Variants in RGS6 observed in about 807,000 individuals in gnomAD.
The protein encoded by RGS6 is regulator of G-protein signaling 6.
A neutral mutation model predicts 78.5 loss-of-function variants in RGS6; 30 were observed. That is an observed-to-expected ratio of 0.38 (90% CI 0.29 to 0.52). The LOEUF is 0.52. Ranked by LOEUF, RGS6 falls within the 20% of genes least tolerant of loss-of-function variation. RGS6 has a pLI of 0.85. For synonymous variants in RGS6, 206 were observed against 206.0 expected (o/e 1.00, Z 0.00); for missense variants, 495 against 609.7 (o/e 0.81, Z 1.98).
intron 2 of RGS6, among the ~76,000 whole-genome samples, chr14:72,297,584 C>T (rs925139517): frequency 8.4e-6 from 1 of 119,332 alleles, no homozygotes; most frequent in African/African-American, 3.1e-5. Flanking sequence ...CTCCCCCCAC[C>T]CCACCACAGT....
At chr14:72,383,203 T>TATATATATATATAC in intron 3 of RGS6, among the ~76,000 whole-genome samples, 1 of 116,936 alleles carries the variant, frequency 8.6e-6, no homozygotes. Context: ...TATATATATA[T>TATATATATATATAC]ATATATATAT....
At chr14:72,033,685 T>C (rs184216280) in intron 2 of RGS6, among the ~76,000 whole-genome samples, 10 of 152,300 alleles carry the variant, frequency 6.6e-5, no homozygotes, top group African/African-American at 2.4e-4. Flanking sequence ...TGAATACATA[T>C]CACATTCACA....
At chr14:71,971,003 T>G (rs1019637201) in intron 2 of RGS6, among the ~76,000 whole-genome samples, 2 of 152,162 alleles carry the variant, frequency 1.3e-5, no homozygotes, top group Non-Finnish European at 2.9e-5. Flanking sequence ...AGATTTGTGA[T>G]GTCGTATACC....
At chr14:72,220,560 G>A (rs1190849087) in intron 2 of RGS6, among the ~76,000 whole-genome samples, 1 of 152,148 alleles carries the variant, frequency 6.6e-6, no homozygotes, top group African/African-American at 2.4e-5. Context: ...GGAGTGAAGT[G>A]CCTACTGAAG....
intron 2 of RGS6, among the ~76,000 whole-genome samples, chr14:72,081,875 T>G (rs1226005165): frequency 6.6e-6 from 1 of 152,064 alleles, no homozygotes; most frequent in Non-Finnish European, 1.5e-5. Flanking sequence ...TTTTTTTTCC[T>G]AAAAAATGTA....
the RGS6 span, among the ~76,000 whole-genome samples, chr14:71,926,194 T>C: frequency 8.5e-5 from 13 of 152,202 alleles, 1 homozygote; most frequent in Non-Finnish European, 1.5e-5. Context: ...GCACAAAGAT[T>C]CTAAATAGCC....
At chr14:72,560,058 G>A (rs2097649448) in intron 17 of RGS6, among the ~76,000 whole-genome samples, 1 of 152,122 alleles carries the variant, frequency 6.6e-6, no homozygotes, top group Non-Finnish European at 1.5e-5. Context: ...TTGTCTCTGG[G>A]CTTTGAATGT....
chr14:72,298,814 G>C (rs1339934462), intron 2 of RGS6, among the ~76,000 whole-genome samples: 1 of 152,118 alleles, frequency 6.6e-6, no homozygotes, highest in Non-Finnish European at 1.5e-5. Context: ...AATTGGAAAT[G>C]TTCTCTCCTC....
intron 12 of RGS6, among the ~76,000 whole-genome samples, chr14:72,489,389 C>CTCTGTATCCCCAG (rs2096546165): frequency 6.6e-6 from 1 of 152,234 alleles, no homozygotes; most frequent in Non-Finnish European, 1.5e-5. Flanking sequence ...TCCCCACATC[C>CTCTGTATCCCCAG]AGCTTGCTCT....
chr14:72,627,690 T>A, the RGS6 span, among the ~76,000 whole-genome samples: 3 of 152,092 alleles, frequency 2.0e-5, no homozygotes, highest in African/African-American at 7.2e-5. Context: ...ATAAAAAAAG[T>A]TTGTTGATAT....
At position 72,562,693 on chromosome 14, in the gene RGS6, C is replaced by T; in HGVS notation, c.*226C>T. On this transcript the variant is annotated 3_prime_UTR_variant, in exon 18 of 18. Coordinates refer to ENST00000553525, the MANE Select transcript of RGS6 (RefSeq NM_001204424.2). Reference sequence around the variant, plus strand: ...TGGGCCCGGTGGAGGCTCCTGTTTACAGCCCTCTCTTCTTTGTACAGTTGT... The same window carrying T: ...TGGGCCCGGTGGAGGCTCCTGTTTATAGCCCTCTCTTCTTTGTACAGTTGT... 6.5e-7 allele frequency: 1 copy of T among 1,536,178 alleles called. No homozygotes were observed. Among genetic ancestry groups the T allele is most frequent in the Non-Finnish European group, 8.7e-7 (1 of 1,146,930 alleles).
intron 6 of RGS6, 111 bp downstream of exon 6, chr14:72,459,794 C>T (rs2095731176): frequency 1.9e-6 from 2 of 1,056,556 alleles, no homozygotes; most frequent in Admixed American, 1.7e-5. Context: ...GGAGGAGGGT[C>T]CTTTCTGCTT....
intron 2 of RGS6, among the ~76,000 whole-genome samples, chr14:72,007,527 A>C (rs1661893110): frequency 6.6e-6 from 1 of 152,134 alleles, no homozygotes; most frequent in African/African-American, 2.4e-5. Context: ...GCCCAACACA[A>C]ATTTGTAAAC....
chr14:72,504,514 G>A (rs569581380), intron 13 of RGS6, among the ~76,000 whole-genome samples: 1 of 152,210 alleles, frequency 6.6e-6, no homozygotes, highest in African/African-American at 2.4e-5. Flanking sequence ...CCAGTTTCTG[G>A]TGATATATGT....
In RGS6 at chr14:72,565,492, T is replaced by TTC. The variant is rs140460180; in HGVS notation, c.*3028_*3029dup. On this transcript the variant is annotated 3_prime_UTR_variant, in exon 18 of 18. Transcript: ENST00000553525. ...TCTAGAAAGTGATGCGTCAGCTTTG[T>TTC]TCTCCTGGGAAGGTGTTGCTATACC... The TTC allele has an allele frequency of 0.13, 20,073 of 152,218 alleles. 1,393 individuals are homozygous for TTC. Among genetic ancestry groups the TTC allele is most frequent in the Middle Eastern group, 0.2 (58 of 294 alleles). 9.4% of individuals were successfully genotyped at this position (152,218 alleles called of 1,614,324 possible).
At position 72,050,740 on chromosome 14, in the gene RGS6, T is replaced by C. The variant is rs1820381694; in HGVS notation, c.84+85865T>C. On this transcript the variant is annotated intron_variant, in intron 2 of 17. Coordinates refer to ENST00000553525, the MANE Select transcript of RGS6 (RefSeq NM_001204424.2). ...CAGGAGTCCTCTTATATCCCAGTCT[T>C]TTTTAAACCAAACATGAATTGAAAA... is the stretch of plus-strand genomic sequence containing the variant. 2.0e-5 allele frequency among the ~76,000 whole-genome samples: 3 copies of C among 152,206 alleles called. No homozygotes were observed. The South Asian group carries it at 6.2e-4, about 32-fold the overall frequency.
At chr14:72,083,997 C>T (rs573249424) in intron 2 of RGS6, among the ~76,000 whole-genome samples, 1 of 152,108 alleles carries the variant, frequency 6.6e-6, no homozygotes, top group Non-Finnish European at 1.5e-5. Context: ...TAATGATATT[C>T]CATGTTGTAT....
intron 15 of RGS6, among the ~76,000 whole-genome samples, chr14:72,525,716 C>T (rs745723039): frequency 3.3e-5 from 5 of 152,276 alleles, no homozygotes; most frequent in South Asian, 2.1e-4. Flanking sequence ...GTGGAGGTGG[C>T]GGCATTGCGT....
At chr14:72,139,333 C>T (rs1266544245) in intron 2 of RGS6, among the ~76,000 whole-genome samples, 2 of 152,198 alleles carry the variant, frequency 1.3e-5, no homozygotes, top group East Asian at 3.8e-4. Context: ...TAGGCCTTTT[C>T]TGCTTTAGGT....
Sources: gnomAD v4.1 joint callset for allele counts (sites outside exome capture counted in the v4.1 genomes callset) on GRCh38, gnomAD v4.1.1 for gene constraint, MANE v1.5 for transcripts, NCBI Gene and HGNC (gene_info 2026-07-23, HGNC 2026-07-21) for gene names.